CDKAL1: variants seen among roughly 807,000 people sequenced by gnomAD.
CDKAL1 encodes the protein threonylcarbamoyladenosine tRNA methylthiotransferase.
Under a neutral mutation model 68.2 loss-of-function variants are expected in CDKAL1, and 32 were observed. That is an observed-to-expected ratio of 0.47 (90% CI 0.35 to 0.63). The LOEUF is 0.63. Ranked by LOEUF, CDKAL1 falls within the 30% of genes least tolerant of loss-of-function variation. The pLI, the probability that CDKAL1 is intolerant of heterozygous loss-of-function variation, is 0.00. For missense variants in CDKAL1, 606 were observed against 696.7 expected (o/e 0.87, Z 1.47); for synonymous variants, 234 against 244.3 (o/e 0.96, Z 0.39).
chr6:21,125,376 T>C (rs1220491450), intron 13 of CDKAL1, among the ~76,000 whole-genome samples: 3 of 152,162 alleles, frequency 2.0e-5, no homozygotes, highest in African/African-American at 7.2e-5. Context: ...GTGAGTCAAT[T>C]GAACTTCTTT....
intron 10 of CDKAL1, among the ~76,000 whole-genome samples, chr6:20,984,814 G>A (rs113748577): frequency 4.5e-4 from 19 of 42,686 alleles, no homozygotes; most frequent in Admixed American, 1.0e-3. Context: ...ACAGTAACGG[G>A]GGGGGGTGGG....
At chr6:20,749,412 C>T (rs1004714660) in intron 6 of CDKAL1, among the ~76,000 whole-genome samples, 15 of 152,082 alleles carry the variant, frequency 9.9e-5, no homozygotes, top group African/African-American at 1.4e-4. Context: ...ACTCTTCTGC[C>T]GGAGGTTCGC....
At chr6:20,624,905 A>C (rs1234482050) in intron 4 of CDKAL1, among the ~76,000 whole-genome samples, 1 of 152,142 alleles carries the variant, frequency 6.6e-6, no homozygotes, top group Non-Finnish European at 1.5e-5. Flanking sequence ...ATAATGCAGC[A>C]AAATTCTGTC....
At chr6:21,150,180 A>G (rs1304282266) in intron 13 of CDKAL1, among the ~76,000 whole-genome samples, 1 of 152,172 alleles carries the variant, frequency 6.6e-6, no homozygotes, top group East Asian at 1.9e-4. Context: ...TTCTGTTCCA[A>G]CTAGTGATGG....
At chr6:20,998,521 G>A (rs931188455) in intron 10 of CDKAL1, among the ~76,000 whole-genome samples, 10 of 151,994 alleles carry the variant, frequency 6.6e-5, no homozygotes, top group Admixed American at 5.2e-4. Context: ...TTAGGCAGGA[G>A]AATCACTTGA....
At chr6:20,535,215 T>C (rs1294140070) in intron 1 of CDKAL1, 136 bp from the exon 2 acceptor site, 1 of 152,362 alleles carries the variant, frequency 6.6e-6, no homozygotes, top group Non-Finnish European at 1.5e-5. Context: ...AAGTTACAAG[T>C]AGTATGGAGC....
chr6:21,220,704 A>C (rs939442649), intron 15 of CDKAL1, among the ~76,000 whole-genome samples: 28 of 152,240 alleles, frequency 1.8e-4, no homozygotes, highest in African/African-American at 6.8e-4. Context: ...AAGACAGCTA[A>C]AAATGAAGGT....
intron 4 of CDKAL1, among the ~76,000 whole-genome samples, chr6:20,626,935 G>A (rs1767458257): frequency 6.6e-6 from 1 of 152,220 alleles, no homozygotes; most frequent in Non-Finnish European, 1.5e-5. Flanking sequence ...TGGAAGGAAG[G>A]CTGTGAAAGG....
At chr6:20,671,320 ATCAT>A (rs1350763809) in intron 5 of CDKAL1, among the ~76,000 whole-genome samples, 1 of 152,104 alleles carries the variant, frequency 6.6e-6, no homozygotes, top group Non-Finnish European at 1.5e-5. Flanking sequence ...ACTTTTGTCA[ATCAT>A]TCATGTCTCT....
At chr6:20,607,996 A>G (rs545521657) in intron 4 of CDKAL1, among the ~76,000 whole-genome samples, 131 of 152,272 alleles carry the variant, frequency 8.6e-4, no homozygotes, top group African/African-American at 3.1e-3. Flanking sequence ...CACCCAGCCC[A>G]AGGTAACTCT....
At chr6:20,766,039 A>G (rs1476160600) in intron 7 of CDKAL1, among the ~76,000 whole-genome samples, 1 of 152,198 alleles carries the variant, frequency 6.6e-6, no homozygotes, top group African/African-American at 2.4e-5. Context: ...TAAGGCTTTT[A>G]GAACACAAAT....
At chr6:20,545,111 C>T (rs1306611064) in intron 2 of CDKAL1, among the ~76,000 whole-genome samples, 1 of 151,810 alleles carries the variant, frequency 6.6e-6, no homozygotes, top group African/African-American at 2.4e-5. Flanking sequence ...TTATTGTTGG[C>T]ATCTCTTGCC....
intron 4 of CDKAL1, among the ~76,000 whole-genome samples, chr6:20,635,938 G>A (rs1767886524): frequency 6.6e-6 from 1 of 152,148 alleles, no homozygotes; most frequent in African/African-American, 2.4e-5. Context: ...GGAGAAATAT[G>A]GTAGGGTAAA....
intron 5 of CDKAL1, among the ~76,000 whole-genome samples, chr6:20,653,034 C>A (rs1212133027): frequency 3.3e-5 from 5 of 152,144 alleles, no homozygotes; most frequent in African/African-American, 1.2e-4. Flanking sequence ...AGATTTACAT[C>A]TTTTTCTCAG....
At chr6:21,126,738 A>G (rs1775034331) in intron 13 of CDKAL1, among the ~76,000 whole-genome samples, 1 of 152,214 alleles carries the variant, frequency 6.6e-6, no homozygotes, top group Non-Finnish European at 1.5e-5. Flanking sequence ...GATATTAAGT[A>G]GCTTATTAGA....
intron 2 of CDKAL1, among the ~76,000 whole-genome samples, chr6:20,540,694 G>A (rs1283881698): frequency 6.6e-6 from 1 of 152,210 alleles, no homozygotes; most frequent in African/African-American, 2.4e-5. Flanking sequence ...GACCTCAGGT[G>A]ATCCATCCGC....
intron 9 of CDKAL1, among the ~76,000 whole-genome samples, chr6:20,910,487 G>A (rs937913663): frequency 1.3e-5 from 2 of 152,156 alleles, no homozygotes; most frequent in Admixed American, 6.5e-5. Context: ...AAATAGATTC[G>A]TGGTGCAGAA....
chr6:21,075,802 T>A (rs1352066251), intron 12 of CDKAL1, among the ~76,000 whole-genome samples: 1 of 152,200 alleles, frequency 6.6e-6, no homozygotes, highest in Non-Finnish European at 1.5e-5. Context: ...GTTTAAAAAG[T>A]CTTTTGATCC....
chr6:21,009,702 A>T (rs1427739139), intron 11 of CDKAL1, among the ~76,000 whole-genome samples: 1 of 152,216 alleles, frequency 6.6e-6, no homozygotes, highest in African/African-American at 2.4e-5. Context: ...AGCAACATGG[A>T]TGGAACCAAA....
Sources: allele counts gnomAD v4.1 joint callset (sites outside exome capture counted in the v4.1 genomes callset), GRCh38; gene constraint gnomAD v4.1.1; transcripts MANE v1.5; gene names NCBI Gene and HGNC (gene_info 2026-07-23, HGNC 2026-07-21).